The following RBFOX1 variants were observed in gnomAD, a reference collection of about 807,000 sequenced individuals.
RBFOX1 encodes RNA binding fox-1 homolog 1.
RBFOX1 carries 8 observed loss-of-function variants against 57.7 expected under a neutral mutation model. That is an observed-to-expected ratio of 0.14 (90% CI 0.08 to 0.25). The LOEUF is 0.25. RBFOX1 is among the 10% of genes least tolerant of loss of function. RBFOX1 has a pLI of 1.00. For missense variants in RBFOX1, 611 were observed against 548.5 expected (o/e 1.11, Z -1.14); for synonymous variants, 326 against 222.4 (o/e 1.47, Z -4.15).
intron 3 of RBFOX1, among the ~76,000 whole-genome samples, chr16:5,757,990 G>T (rs781608811): frequency 1.3e-5 from 2 of 152,260 alleles, no homozygotes; most frequent in South Asian, 2.1e-4. Context: ...CATCACCTCT[G>T]CCTGTGGCAC....
intron 2 of RBFOX1, among the ~76,000 whole-genome samples, chr16:6,393,468 C>G (rs1596519688): frequency 1.3e-5 from 2 of 152,154 alleles, no homozygotes; most frequent in East Asian, 3.9e-4. Context: ...AAAGGGACCG[C>G]TTTGCAAATT....
At chr16:5,591,216 C>T (rs1043247418) in intron 2 of RBFOX1, among the ~76,000 whole-genome samples, 2 of 151,908 alleles carry the variant, frequency 1.3e-5, no homozygotes, top group African/African-American at 4.8e-5. Context: ...AATGAGTTTT[C>T]CTGCTACCAC....
intron 1 of RBFOX1, among the ~76,000 whole-genome samples, chr16:5,258,478 C>A (rs568426393): frequency 2.0e-4 from 30 of 152,116 alleles, no homozygotes; most frequent in Non-Finnish European, 3.7e-4. Flanking sequence ...CCTCTAAGAT[C>A]GAGTTTACAT....
intron 2 of RBFOX1, among the ~76,000 whole-genome samples, chr16:5,594,751 C>G (rs1386789945): frequency 2.6e-5 from 4 of 152,080 alleles, no homozygotes; most frequent in Non-Finnish European, 5.9e-5. Context: ...TAAACAGTTC[C>G]TAGCTTGACT....
intron 1 of RBFOX1, among the ~76,000 whole-genome samples, chr16:6,244,062 T>C (rs901286081): frequency 5.3e-5 from 8 of 152,116 alleles, no homozygotes; most frequent in Non-Finnish European, 8.8e-5. Context: ...ATTTAGGGAG[T>C]TGTATTTCCA....
rs538118722 is a variant in RBFOX1, at chr16:6,727,501, A to G, written c.-16+72851A>G. 9.2e-5 allele frequency among the ~76,000 whole-genome samples: 14 copies of G among 152,118 alleles called. No individual in the cohort carries two copies. The Middle Eastern group carries it at 0.01, about 111-fold the overall frequency. Reference sequence around the variant, plus strand: ...CAGGGCAAAAACTGGATTATACGCAAATTGTACACTGATTTATTAGCGTGA... The same window carrying G: ...CAGGGCAAAAACTGGATTATACGCAGATTGTACACTGATTTATTAGCGTGA... On this transcript the variant is annotated intron_variant, in intron 3 of 15. Transcript: ENST00000550418.
intron 2 of RBFOX1, among the ~76,000 whole-genome samples, chr16:6,486,421 A>T (rs1187662747): frequency 6.6e-6 from 1 of 152,096 alleles, no homozygotes; most frequent in Non-Finnish European, 1.5e-5. Context: ...AGATATCTGA[A>T]CTAATAATAA....
At chr16:6,843,195 C>G (rs1377753533) in intron 3 of RBFOX1, among the ~76,000 whole-genome samples, 3 of 152,100 alleles carry the variant, frequency 2.0e-5, no homozygotes, top group South Asian at 2.1e-4. Flanking sequence ...GTGGATGTCT[C>G]TTGGGTTTAA....
chr16:7,152,214 A>G (rs770738504), intron 4 of RBFOX1, among the ~76,000 whole-genome samples: 2 of 152,290 alleles, frequency 1.3e-5, no homozygotes, highest in South Asian at 2.1e-4. Context: ...TTTCCAGTCT[A>G]TACCATGCGT....
intron 2 of RBFOX1, among the ~76,000 whole-genome samples, chr16:6,514,198 C>T (rs908898808): frequency 2.0e-5 from 3 of 152,132 alleles, no homozygotes; most frequent in African/African-American, 7.2e-5. Context: ...TATCTCCCAT[C>T]CTTTGGGGAT....
At chr16:6,013,029 A>G (rs2094970956) in intron 4 of RBFOX1, among the ~76,000 whole-genome samples, 1 of 152,194 alleles carries the variant, frequency 6.6e-6, no homozygotes, top group African/African-American at 2.4e-5. Context: ...TATTAATAGT[A>G]ACTATTAATA....
chr16:6,462,845 C>A (rs376206887), intron 2 of RBFOX1, among the ~76,000 whole-genome samples: 4 of 152,064 alleles, frequency 2.6e-5, no homozygotes, highest in Non-Finnish European at 4.4e-5. Flanking sequence ...ATGTTCTTGA[C>A]GACTAATTAT....
At chr16:7,434,518 G>A (rs2098707185) in intron 4 of RBFOX1, among the ~76,000 whole-genome samples, 1 of 151,822 alleles carries the variant, frequency 6.6e-6, no homozygotes, top group Admixed American at 6.6e-5. Flanking sequence ...AAAATCATCA[G>A]GAGATGAGGA....
intron 3 of RBFOX1, among the ~76,000 whole-genome samples, chr16:6,965,424 C>T (rs928646139): frequency 5.9e-5 from 9 of 151,748 alleles, no homozygotes; most frequent in Non-Finnish European, 1.2e-4. Flanking sequence ...CTTACTGCAG[C>T]CTCCCGGGTT....
At chr16:5,826,333 A>G (rs1200318150) in intron 3 of RBFOX1, among the ~76,000 whole-genome samples, 1 of 152,206 alleles carries the variant, frequency 6.6e-6, no homozygotes, top group African/African-American at 2.4e-5. Context: ...TATTAGCAGT[A>G]CCTGTGACTT....
chr16:6,977,727 G>A (rs566588116), intron 3 of RBFOX1, among the ~76,000 whole-genome samples: 2 of 152,168 alleles, frequency 1.3e-5, no homozygotes, highest in Middle Eastern at 3.4e-3. Context: ...ATTGTGGGTG[G>A]AGGAAGGCTG....
chr16:5,655,893 G>A (rs1045410544), intron 3 of RBFOX1, among the ~76,000 whole-genome samples: 3 of 152,336 alleles, frequency 2.0e-5, no homozygotes, highest in Non-Finnish European at 2.9e-5. Context: ...TAAAGCATGT[G>A]CAATTGTAGA....
At chr16:6,058,809 C>A (rs2095647781) in intron 1 of RBFOX1, among the ~76,000 whole-genome samples, 1 of 149,804 alleles carries the variant, frequency 6.7e-6, no homozygotes, top group Non-Finnish European at 1.5e-5. Flanking sequence ...CCCATCCATC[C>A]ACCCACTTAC....
intron 4 of RBFOX1, among the ~76,000 whole-genome samples, chr16:7,092,956 T>C (rs995670989): frequency 2.6e-5 from 4 of 152,230 alleles, no homozygotes; most frequent in Admixed American, 2.6e-4. Context: ...GTTGAATGGT[T>C]CCTTTTCGTA....
Sources: allele counts gnomAD v4.1 joint callset (sites outside exome capture counted in the v4.1 genomes callset), GRCh38; gene constraint gnomAD v4.1.1; transcripts MANE v1.5; gene names NCBI Gene and HGNC (gene_info 2026-07-23, HGNC 2026-07-21).